The following C11orf71 variants were observed in gnomAD, a reference collection of about 807,000 sequenced individuals.
C11orf71 encodes the protein uncharacterized protein C11orf71.
For missense variants in C11orf71, 179 were observed against 167.6 expected (o/e 1.07, Z -0.38); for synonymous variants, 72 against 73.4 (o/e 0.98, Z 0.09).
In C11orf71 at chr11:114,400,307, A is replaced by T. The variant is rs199945919; in HGVS notation, c.25T>A (p.Ser9Thr). Reference protein sequence around the residue: MALNNVSLSSGDQRSRVAY... With the variant: MALNNVSLTSGDQRSRVAY... ...ACCCTGCTCCTCTGATCACCGGAGGACAGGGACACATTGTTCAGGGCCATA... is the reference window on the plus strand; with the variant it reads ...ACCCTGCTCCTCTGATCACCGGAGGTCAGGGACACATTGTTCAGGGCCATA... The change falls in exon 1 of 1, where the codon TCC (serine) becomes ACC (threonine). Residue 9 changes from serine to threonine, a missense_variant. Ser to Thr is a moderately conservative substitution (Grantham distance 58). Transcript: ENST00000623205. 2.4e-4 allele frequency: 394 copies of T among 1,609,352 alleles called. No homozygotes were observed. The African/African-American group carries it at 4.5e-3, about 18-fold the overall frequency.
At chr11:114,391,479 C>G in exon 2 of C11orf71, 1 of 683,300 alleles carries the variant, frequency 1.5e-6, no homozygotes, top group Non-Finnish European at 2.1e-6. Flanking sequence ...ATATTTCATT[C>G]ATATAGGTAA....
chr11:114,400,413 G>C lies in C11orf71; in HGVS notation c.-82C>G. ...GCGGCTCCCCAGATCAGTCCAGCCT[G>C]TGTCGGACCCGATGACTAAGCACAC... On this transcript the variant is annotated 5_prime_UTR_variant, in exon 1 of 1. Transcript: ENST00000623205. The C allele has an allele frequency of 6.8e-7, 1 of 1,465,574 alleles. No homozygotes were observed. Among genetic ancestry groups the C allele is most frequent in the African/African-American group, 1.4e-5 (1 of 70,606 alleles). The allele number at this position is 1,465,574 out of a possible 1,614,324, so 90.8% of individuals were successfully genotyped here.
downstream of C11orf71, among the ~76,000 whole-genome samples, chr11:114,394,228 C>CTTTCCTTTCTTTTCTTTTCTTTTCT (rs1946102532): frequency 4.1e-5 from 2 of 48,700 alleles, no homozygotes; most frequent in South Asian, 8.2e-4. Flanking sequence ...CTTTTCTTTT[C>CTTTCCTTTCTTTTCTTTTCTTTTCT]TTTCTTTTCT....
intron 1 of C11orf71, among the ~76,000 whole-genome samples, chr11:114,393,341 G>A (rs114354253): frequency 7.2e-4 from 110 of 152,292 alleles, no homozygotes; most frequent in African/African-American, 2.6e-3. Context: ...CTGGACATAA[G>A]TGCAAAGAAT....
chr11:114,393,809 CTT>C (rs1381225729), downstream of C11orf71, among the ~76,000 whole-genome samples: 1 of 152,072 alleles, frequency 6.6e-6, no homozygotes, highest in Non-Finnish European at 1.5e-5. Flanking sequence ...TGTTTTCTCT[CTT>C]GTTATGTAAG....
At position 114,399,322 on chromosome 11, in the gene C11orf71, A is replaced by T. The variant is rs1197466518; in HGVS notation, c.*638T>A. On this transcript the variant is annotated 3_prime_UTR_variant, in exon 1 of 1. Coordinates refer to ENST00000623205, the MANE Select transcript of C11orf71 (RefSeq NM_001271562.2). ...TTTTCTGATAGGAGATTGTACAAGTAATGTTTTCACCAGTGTATTTTAGGA... is the reference window on the plus strand; with the variant it reads ...TTTTCTGATAGGAGATTGTACAAGTTATGTTTTCACCAGTGTATTTTAGGA... The T allele has an allele frequency of 2.0e-5, 3 of 152,266 alleles. No individual in the cohort carries two copies. The highest frequency in any genetic ancestry group is 4.4e-5 in the Non-Finnish European group (3 of 68,064). The allele number at this position is 152,266 out of a possible 1,614,324, so 9.4% of individuals were successfully genotyped here.
chr11:114,394,208 C>CTTTTCTTTTCTT (rs1330320894), downstream of C11orf71, among the ~76,000 whole-genome samples: 1 of 40,394 alleles, frequency 2.5e-5, no homozygotes, highest in Non-Finnish European at 4.5e-5. Flanking sequence ...CTTTTCTTTT[C>CTTTTCTTTTCTT]TTTTCTTTTC....
rs1443549702 is a variant in C11orf71 at position 114,400,070 on chromosome 11, T to C, written c.262A>G (p.Arg88Gly). 1 of 1,613,916 alleles carries C rather than the reference T, an allele frequency of 6.2e-7. No individual in the cohort carries two copies. The highest frequency in any genetic ancestry group is 1.3e-5 in the African/African-American group (1 of 74,944). The change falls in exon 1 of 1, where the codon AGA becomes GGA. Residue 88 changes from arginine to glycine, a missense_variant. By Grantham distance (125) the Arg-to-Gly change is moderately radical. Transcript: ENST00000623205. ...GCAGGGATTGGGTAAGGTGAGAATC[T>C]GGCTTGGCGGCTCCGGCCCCGGCCA... is the stretch of plus-strand genomic sequence containing the variant. ...PDGRGRSRQA[R>G]FSPYPIPAVE...
chr11:114,398,225 TTG>T (rs1222320010), downstream of C11orf71, among the ~76,000 whole-genome samples: 5 of 152,352 alleles, frequency 3.3e-5, no homozygotes, highest in Non-Finnish European at 1.5e-5. Flanking sequence ...CCACGGGTTT[TTG>T]TAATGCCCAG....
exon 2 of C11orf71, chr11:114,391,496 A>G: frequency 3.3e-6 from 3 of 909,406 alleles, no homozygotes; most frequent in Non-Finnish European, 3.1e-6. Flanking sequence ...GTAAGATCAT[A>G]TAATACATAC....
chr11:114,394,179 GTTTCTTTTCTTTTCTTTTCT>G (rs1226365240), downstream of C11orf71, among the ~76,000 whole-genome samples: 377 of 80,258 alleles, frequency 4.7e-3, 12 homozygotes, highest in Non-Finnish European at 7.7e-3. Flanking sequence ...ACGGGGTTTC[GTTTCTTTTCTTTTCTTTTCT>G]TTTCTTTTCT....
intron 1 of C11orf71, among the ~76,000 whole-genome samples, chr11:114,393,226 A>G (rs1946086449): frequency 6.6e-6 from 1 of 152,184 alleles, no homozygotes; most frequent in South Asian, 2.1e-4. Flanking sequence ...ATGCCTTCCT[A>G]TCTGTTAAAA....
exon 2 of C11orf71, chr11:114,391,479 C>T: frequency 1.5e-6 from 1 of 683,298 alleles, no homozygotes; most frequent in Non-Finnish European, 2.1e-6. Context: ...ATATTTCATT[C>T]ATATAGGTAA....
chr11:114,391,542 A>G (rs1388628971), exon 2 of C11orf71: 2 of 1,298,994 alleles, frequency 1.5e-6, no homozygotes, highest in Non-Finnish European at 2.1e-6. Flanking sequence ...AATAATATAA[A>G]TGTAATTATA....
chr11:114,394,274 TTTCTTTTC>T (rs1946109918), downstream of C11orf71, among the ~76,000 whole-genome samples: 1 of 79,388 alleles, frequency 1.3e-5, no homozygotes, highest in African/African-American at 6.7e-5. Context: ...TTTCTTTTCT[TTTCTTTTC>T]TTTTCTCTTA....
chr11:114,399,455 A>G lies in C11orf71; in HGVS notation c.*505T>C, dbSNP rs1454584068. 6.6e-6 allele frequency: 1 copy of G among 152,636 alleles called. No homozygotes were observed. The highest frequency in any genetic ancestry group is 1.9e-4 in the East Asian group (1 of 5,204). The allele number at this position is 152,636 out of a possible 1,614,324, so 9.5% of individuals were successfully genotyped here. A position where few individuals can be genotyped will look rare whatever the true frequency, so the allele number is the denominator to read the frequency against. ...AAGAAAGGAATAATAAATTGATTTA[A>G]TAATTTGAAAGAACTGTAAGGTTTA... On this transcript the variant is annotated 3_prime_UTR_variant, in exon 1 of 1. Transcript: ENST00000623205.
At chr11:114,394,178 C>CTTTT (rs1565256269), downstream of C11orf71, among the ~76,000 whole-genome samples, 27 of 81,124 alleles carry the variant, frequency 3.3e-4, no homozygotes, top group East Asian at 2.8e-3. Flanking sequence ...GACGGGGTTT[C>CTTTT]GTTTCTTTTC....
chr11:114,394,247 CT>C (rs1378187120), downstream of C11orf71, among the ~76,000 whole-genome samples: 333 of 60,432 alleles, frequency 5.5e-3, 7 homozygotes, highest in East Asian at 0.062. Context: ...CTTTTCTTTT[CT>C]TTTCTTTTCT....
downstream of C11orf71, among the ~76,000 whole-genome samples, chr11:114,394,264 T>TTCTTTTCTTTTCTC (rs1946108054): frequency 3.3e-5 from 2 of 59,726 alleles, no homozygotes; most frequent in Admixed American, 2.0e-4. Context: ...TTTCTTTTCT[T>TTCTTTTCTTTTCTC]TTCTTTTCTT....
Sources: gnomAD v4.1 joint callset for allele counts (sites outside exome capture counted in the v4.1 genomes callset) on GRCh38, gnomAD v4.1.1 for gene constraint, MANE v1.5 for transcripts, NCBI Gene and HGNC (gene_info 2026-07-23, HGNC 2026-07-21) for gene names.